CTNNA3: variants seen among roughly 807,000 people sequenced by gnomAD.
The protein encoded by CTNNA3 is catenin alpha-3.
A neutral mutation model predicts 95.7 loss-of-function variants in CTNNA3; 76 were observed. The observed-to-expected ratio is 0.79, with a 90% confidence interval of 0.66 to 0.96. The LOEUF (loss-of-function observed/expected upper bound fraction) is 0.96, where lower values mean the gene tolerates loss of function less well. Among genes scored for constraint, CTNNA3 ranks in the 40% least tolerant of loss-of-function variants. CTNNA3 has a pLI of 0.00. For synonymous variants in CTNNA3, 431 were observed against 374.4 expected (o/e 1.15, Z -1.74); for missense variants, 1,191 against 1,089.8 (o/e 1.09, Z -1.31).
intron 3 of CTNNA3, among the ~76,000 whole-genome samples, chr10:67,586,489 C>T (rs1035169198): frequency 6.6e-6 from 1 of 152,008 alleles, no homozygotes; most frequent in Non-Finnish European, 1.5e-5. Context: ...TACGGGTGCT[C>T]CAGGATTGGA....
At chr10:67,535,466 A>T (rs992476836) in intron 4 of CTNNA3, among the ~76,000 whole-genome samples, 2 of 115,106 alleles carry the variant, frequency 1.7e-5, no homozygotes, top group African/African-American at 1.4e-4. Flanking sequence ...TTACATAATT[A>T]AAAAAAAGAC....
chr10:67,079,858 AAC>A (rs199928311), intron 7 of CTNNA3, among the ~76,000 whole-genome samples: 11,881 of 140,950 alleles, frequency 0.084, 564 homozygotes, highest in Non-Finnish European at 0.11. Context: ...AAAAAAACAA[AAC>A]ACACACACAC....
chr10:66,921,359 C>T (rs941868962), intron 7 of CTNNA3, among the ~76,000 whole-genome samples: 5 of 152,138 alleles, frequency 3.3e-5, no homozygotes, highest in Admixed American at 6.5e-5. Context: ...TGAGAACATC[C>T]GATCCACAGC....
chr10:67,607,186 G>A, intron 2 of CTNNA3, 137 bp from the exon 3 acceptor site: 2 of 614,844 alleles, frequency 3.3e-6, no homozygotes, highest in South Asian at 4.5e-5. Context: ...AACCCACCGT[G>A]CAGTTGAAAA....
intron 5 of CTNNA3, among the ~76,000 whole-genome samples, chr10:67,496,442 CT>C (rs1246173124): frequency 6.6e-6 from 1 of 150,670 alleles, no homozygotes; most frequent in African/African-American, 2.5e-5. Flanking sequence ...ATGCACTTGC[CT>C]TTTTAAAAAA....
chr10:67,457,556 T>C (rs557122802), intron 5 of CTNNA3, among the ~76,000 whole-genome samples: 16 of 152,346 alleles, frequency 1.1e-4, no homozygotes, highest in Non-Finnish European at 2.2e-4. Context: ...ATATTGATGT[T>C]CTAACAAATT....
At chr10:66,947,725 T>C (rs1358274570) in intron 7 of CTNNA3, among the ~76,000 whole-genome samples, 1 of 152,162 alleles carries the variant, frequency 6.6e-6, no homozygotes, top group East Asian at 1.9e-4. Flanking sequence ...TTGATAAATT[T>C]AGGGAAAATA....
At chr10:66,133,239 G>A (rs994701749) in intron 13 of CTNNA3, among the ~76,000 whole-genome samples, 1 of 152,162 alleles carries the variant, frequency 6.6e-6, no homozygotes, top group Non-Finnish European at 1.5e-5. Flanking sequence ...ATCTAGCCAT[G>A]TGCAGTGGCT....
At chr10:66,585,162 T>C (rs1172476735) in intron 10 of CTNNA3, among the ~76,000 whole-genome samples, 1 of 152,026 alleles carries the variant, frequency 6.6e-6, no homozygotes, top group Admixed American at 6.6e-5. Context: ...TATGCCTTAG[T>C]GATGTTTTGT....
chr10:66,944,347 G>C (rs1395581220), intron 7 of CTNNA3, among the ~76,000 whole-genome samples: 1 of 152,130 alleles, frequency 6.6e-6, no homozygotes, highest in Non-Finnish European at 1.5e-5. Context: ...GTTTGATCAT[G>C]AGGTTGCAGC....
At chr10:66,380,550 G>A (rs984379477) in intron 11 of CTNNA3, among the ~76,000 whole-genome samples, 1 of 151,512 alleles carries the variant, frequency 6.6e-6, no homozygotes, top group Non-Finnish European at 1.5e-5. Flanking sequence ...TGAGGCTACA[G>A]TGAGCTTTGA....
chr10:67,030,766 G>C (rs541228837), intron 7 of CTNNA3, among the ~76,000 whole-genome samples: 2 of 152,238 alleles, frequency 1.3e-5, no homozygotes, highest in South Asian at 4.1e-4. Flanking sequence ...AGCACTTTGG[G>C]AGGCCGAGGT....
intron 13 of CTNNA3, among the ~76,000 whole-genome samples, chr10:66,168,181 T>C (rs2085236702): frequency 1.3e-5 from 2 of 152,204 alleles, no homozygotes; most frequent in African/African-American, 4.8e-5. Context: ...TGGAATTTAA[T>C]ACTTCTATTA....
intron 12 of CTNNA3, among the ~76,000 whole-genome samples, chr10:66,312,672 G>A (rs982500299): frequency 7.2e-5 from 11 of 151,842 alleles, no homozygotes; most frequent in Middle Eastern, 3.4e-3. Flanking sequence ...TCAGCCTCCC[G>A]AGTAGCTGGG....
At position 67,054,182 on chromosome 10, in the gene CTNNA3, C is replaced by T. The variant is rs572762126; in HGVS notation, c.1047+126135G>A. 4.6e-5 allele frequency among the ~76,000 whole-genome samples: 6 copies of T among 130,122 alleles called. No individual in the cohort carries two copies. In the Admixed American group the frequency reaches 4.9e-4, roughly 11 times the overall value. The allele number at this position is 130,122 out of a possible 152,430, so 85.4% of individuals were successfully genotyped here. A position where few individuals can be genotyped will look rare whatever the true frequency, so the allele number is the denominator to read the frequency against. ...GGAGGTACTTCAAGATCAGTCAGTG[C>T]CTCCTGGTTATTAAAAAAAAAACTT... On this transcript the variant is annotated intron_variant, in intron 7 of 17. Transcript: ENST00000433211.
chr10:67,405,340 A>T (rs1845095496), intron 5 of CTNNA3, among the ~76,000 whole-genome samples: 1 of 152,222 alleles, frequency 6.6e-6, no homozygotes, highest in Non-Finnish European at 1.5e-5. Context: ...AAATAAAGGG[A>T]TGGAGGAAAA....
chr10:67,690,197 G>C lies in CTNNA3; in HGVS notation c.-6+5803C>G, dbSNP rs529784169. ...CACAGTGAGTGTTACGGCTCTTAAA[G>C]GCAGCACGTCTGGAGTTGTTTGTTC... On this transcript the variant is annotated intron_variant, in intron 1 of 17. Coordinates refer to ENST00000433211, the MANE Select transcript of CTNNA3 (RefSeq NM_013266.4). Among the ~76,000 whole-genome samples, 4 of 152,252 alleles carry C rather than the reference G, an allele frequency of 2.6e-5. No individual in the cohort carries two copies. In the East Asian group the frequency reaches 7.7e-4, roughly 29 times the overall value.
chr10:66,421,776 A>C (rs1375577962), intron 11 of CTNNA3, among the ~76,000 whole-genome samples: 3 of 148,592 alleles, frequency 2.0e-5, no homozygotes, highest in Non-Finnish European at 4.5e-5. Context: ...GAGAGGTTGC[A>C]GTGAGCCGAG....
chr10:67,068,814 C>A (rs886402981), intron 7 of CTNNA3, among the ~76,000 whole-genome samples: 1 of 152,170 alleles, frequency 6.6e-6, no homozygotes, highest in Non-Finnish European at 1.5e-5. Flanking sequence ...AATCCCAGCA[C>A]TTTGGGAGGC....
Sources: allele counts gnomAD v4.1 joint callset (sites outside exome capture counted in the v4.1 genomes callset), GRCh38; gene constraint gnomAD v4.1.1; transcripts MANE v1.5; gene names NCBI Gene and HGNC (gene_info 2026-07-23, HGNC 2026-07-21).